COL11A1: variants seen among roughly 807,000 people sequenced by gnomAD.
COL11A1 encodes the protein collagen alpha-1(XI) chain.
In COL11A1, 74 loss-of-function variants were observed where a neutral mutation model predicts 265.2. The ratio of observed to expected loss-of-function variants is 0.28; its 90% confidence interval spans 0.23 to 0.34. COL11A1 has a LOEUF of 0.34. Ranked by LOEUF, COL11A1 falls within the 10% of genes least tolerant of loss-of-function variation. COL11A1 has a pLI of 1.00. For synonymous variants in COL11A1, 816 were observed against 727.6 expected, an observed-to-expected ratio of 1.12 and a Z score of -1.96; for missense variants, 2,165 against 2,263.6, an observed-to-expected ratio of 0.96 and a Z score of 0.88.
chr1:103,107,434 T>C (rs1674787042), intron 1 of COL11A1, among the ~76,000 whole-genome samples: 1 of 151,856 alleles, frequency 6.6e-6, no homozygotes, highest in Non-Finnish European at 1.5e-5. Context: ...GTTCTCCCTA[T>C]CTTGAACCTA....
In COL11A1 at chr1:102,965,512, C is replaced by T; in HGVS notation, c.2891G>A (p.Gly964Glu). The change falls in exon 38 of 67, where the codon GGG becomes GAG. Residue 964 changes from glycine (G) to glutamate (E), a missense_variant. By Grantham distance (98) the Gly-to-Glu change is moderately conservative (BLOSUM62 -2). Transcript: ENST00000370096. ...CTGTGGTCCAACCACTCCCCCTGGC[C>T]CAGGAGGGCCGGTCTTGCCTTGAAA... The part of the protein sequence containing the change: ...TGFQGKTGPP[G>E]PGGVVGPQGP... The T allele has an allele frequency of 6.2e-7, 1 of 1,613,634 alleles. No homozygotes were observed. Among genetic ancestry groups the T allele is most frequent in the Non-Finnish European group, 8.5e-7 (1 of 1,179,742 alleles).
At chr1:103,007,587 G>T (rs1322174032) in intron 15 of COL11A1, among the ~76,000 whole-genome samples, 1 of 152,108 alleles carries the variant, frequency 6.6e-6, no homozygotes, top group Non-Finnish European at 1.5e-5. Context: ...ACCCAGCGCG[G>T]TGAATCATTC....
At chr1:102,933,844 C>T (rs1361379524) in intron 46 of COL11A1, among the ~76,000 whole-genome samples, 4 of 152,070 alleles carry the variant, frequency 2.6e-5, no homozygotes, top group Non-Finnish European at 2.9e-5. Context: ...GTGGGAGTGA[C>T]CCGATTTTCC....
chr1:103,063,345 G>A (rs570958587), intron 4 of COL11A1, among the ~76,000 whole-genome samples: 36 of 152,050 alleles, frequency 2.4e-4, no homozygotes, highest in South Asian at 1.0e-3. Context: ...TGAATACAAC[G>A]TAGTATTGGT....
At chr1:103,096,181 T>C (rs1462524607) in intron 1 of COL11A1, among the ~76,000 whole-genome samples, 2 of 151,956 alleles carry the variant, frequency 1.3e-5, no homozygotes, top group African/African-American at 4.8e-5. Flanking sequence ...CCACTGGGTC[T>C]GCTGTGTTGA....
intron 28 of COL11A1, among the ~76,000 whole-genome samples, chr1:102,990,706 C>T (rs34413966): frequency 0.044 from 6,646 of 151,010 alleles, 237 homozygotes; most frequent in Middle Eastern, 0.1. Flanking sequence ...CAAAGTGCTG[C>T]GGAGTATTTT....
intron 62 of COL11A1, among the ~76,000 whole-genome samples, chr1:102,888,122 C>T (rs1407063974): frequency 6.6e-6 from 1 of 152,102 alleles, no homozygotes; most frequent in Non-Finnish European, 1.5e-5. Context: ...TATTTTAATT[C>T]TACCATTTAA....
At chr1:102,982,586 C>T (rs567794137) in intron 31 of COL11A1, among the ~76,000 whole-genome samples, 18 of 152,052 alleles carry the variant, frequency 1.2e-4, no homozygotes, top group African/African-American at 4.1e-4. Flanking sequence ...TAATCAGTGT[C>T]CTGAGTACAG....
intron 4 of COL11A1, among the ~76,000 whole-genome samples, chr1:103,045,340 G>C (rs1279167681): frequency 6.6e-6 from 1 of 152,038 alleles, no homozygotes; most frequent in Admixed American, 6.6e-5. Context: ...GAAAGAAATA[G>C]ACTTGCTTTT....
intron 53 of COL11A1, among the ~76,000 whole-genome samples, chr1:102,912,641 C>T (rs954984440): frequency 1.3e-5 from 2 of 152,126 alleles, no homozygotes; most frequent in Admixed American, 6.5e-5. Context: ...ATATAACATA[C>T]TGATATGGTT....
intron 59 of COL11A1, 78 bp from the exon 60 acceptor site, chr1:102,888,997 T>G (rs2100854314): frequency 7.6e-7 from 1 of 1,318,654 alleles, no homozygotes; most frequent in East Asian, 2.3e-5. Flanking sequence ...TTCAATATTT[T>G]CATAACAGCA....
At chr1:103,013,085 C>A (rs139131809) in intron 13 of COL11A1, among the ~76,000 whole-genome samples, 1 of 151,996 alleles carries the variant, frequency 6.6e-6, no homozygotes, top group Non-Finnish European at 1.5e-5. Flanking sequence ...GAAACACATA[C>A]AGTACAAAAG....
intron 29 of COL11A1, among the ~76,000 whole-genome samples, chr1:102,988,732 G>A (rs568815651): frequency 2.0e-5 from 3 of 152,202 alleles, no homozygotes; most frequent in African/African-American, 7.2e-5. Flanking sequence ...TAATGCACCT[G>A]TGTTATAGAG....
At chr1:103,030,899 C>T (rs559558994) in intron 5 of COL11A1, 2 of 553,228 alleles carry the variant, frequency 3.6e-6, no homozygotes, top group African/African-American at 3.8e-5. Context: ...AGTGAAGCAC[C>T]ATTATTGCTA....
intron 46 of COL11A1, among the ~76,000 whole-genome samples, chr1:102,926,442 T>C (rs1247402120): frequency 6.6e-6 from 1 of 152,202 alleles, no homozygotes; most frequent in East Asian, 1.9e-4. Context: ...AATCAAGACA[T>C]GTAACCTGAA....
chr1:102,935,198 A>G (rs1658020006), intron 44 of COL11A1, 85 bp from the exon 45 acceptor site: 2 of 1,084,582 alleles, frequency 1.8e-6, no homozygotes, highest in Non-Finnish European at 2.8e-6. Context: ...GCCTACCAAG[A>G]TCAAACACTT....
intron 62 of COL11A1, among the ~76,000 whole-genome samples, chr1:102,887,561 C>T (rs1004309157): frequency 6.6e-6 from 1 of 152,096 alleles, no homozygotes; most frequent in African/African-American, 2.4e-5. Flanking sequence ...TATAAATTAA[C>T]AAACTTAAAA....
At chr1:102,947,989 ACAT>A (rs1215335977) in intron 41 of COL11A1, among the ~76,000 whole-genome samples, 1 of 151,870 alleles carries the variant, frequency 6.6e-6, no homozygotes, top group Non-Finnish European at 1.5e-5. Context: ...TACTTAGATA[ACAT>A]CATCATTTCA....
chr1:103,002,869 A>G, intron 21 of COL11A1, 78 bp from the exon 22 acceptor site: 1 of 1,310,804 alleles, frequency 7.6e-7, no homozygotes, highest in Admixed American at 1.7e-5. Flanking sequence ...CTAATCTAAT[A>G]TCATGATATT....
Sources: allele counts gnomAD v4.1 joint callset (sites outside exome capture counted in the v4.1 genomes callset), GRCh38; gene constraint gnomAD v4.1.1; transcripts MANE v1.5; gene names NCBI Gene and HGNC (gene_info 2026-07-23, HGNC 2026-07-21).